CASD1: variants seen among roughly 807,000 people sequenced by gnomAD.
The protein encoded by CASD1 is CAS1 domain sialic acid O acetyltransferase 1.
CASD1 carries 41 observed loss-of-function variants against 100.0 expected under a neutral mutation model. The observed-to-expected ratio is 0.41, with a 90% confidence interval of 0.32 to 0.53. The LOEUF (loss-of-function observed/expected upper bound fraction) is 0.53, where lower values mean the gene tolerates loss of function less well. CASD1 is among the 20% of genes least tolerant of loss of function. The pLI is 0.25. For synonymous variants in CASD1, 321 were observed against 315.6 expected, an observed-to-expected ratio of 1.02 and a Z score of -0.18; for missense variants, 774 against 948.7, an observed-to-expected ratio of 0.82 and a Z score of 2.42.
At chr7:94,599,492 G>T in the CASD1 span, 3 of 578,294 alleles carry the variant, frequency 5.2e-6, no homozygotes, top group Non-Finnish European at 9.2e-6. Context: ...ATTTTTATCT[G>T]TGTAATCTTA....
intron 14 of CASD1, among the ~76,000 whole-genome samples, chr7:94,550,275 CTGAT>C (rs1393913721): frequency 5.3e-5 from 8 of 151,994 alleles, no homozygotes; most frequent in Admixed American, 2.0e-4. Context: ...TCCTTTTTGA[CTGAT>C]CTCTTTTTTC....
intron 5 of CASD1, among the ~76,000 whole-genome samples, chr7:94,529,144 G>C (rs1679918126): frequency 6.6e-6 from 1 of 151,904 alleles, no homozygotes; most frequent in Non-Finnish European, 1.5e-5. Context: ...AGTGTGTTTT[G>C]GTTTTGTTTA....
At chr7:94,585,320 T>C in the CASD1 span, 1 of 531,116 alleles carries the variant, frequency 1.9e-6, no homozygotes, top group Non-Finnish European at 3.4e-6. Flanking sequence ...ATGCTTTAAG[T>C]ACAAAAAAAT....
the CASD1 span, chr7:94,629,838 T>A: frequency 6.2e-7 from 1 of 1,610,538 alleles, no homozygotes. Context: ...GAAAATACTG[T>A]ACACTGAAAA....
At chr7:94,584,389 G>A in the CASD1 span, among the ~76,000 whole-genome samples, 6 of 152,300 alleles carry the variant, frequency 3.9e-5, no homozygotes, top group East Asian at 5.8e-4. Context: ...AGAACAGCAA[G>A]TGGCAATGCC....
the CASD1 span, among the ~76,000 whole-genome samples, chr7:94,564,248 T>A: frequency 0.32 from 48,118 of 152,088 alleles, 10,722 homozygotes; most frequent in African/African-American, 0.64. Context: ...GCACAACAGT[T>A]GTGGTCCAGG....
chr7:94,601,075 T>G, the CASD1 span, among the ~76,000 whole-genome samples: 37 of 152,302 alleles, frequency 2.4e-4, no homozygotes, highest in African/African-American at 8.9e-4. Context: ...TTCTATGTTC[T>G]TCCTAAAACA....
chr7:94,623,719 A>G, the CASD1 span: 3 of 404,528 alleles, frequency 7.4e-6, no homozygotes, highest in Non-Finnish European at 1.3e-5. Flanking sequence ...ATTACTTACC[A>G]GTGATGTTCT....
the CASD1 span, chr7:94,623,538 G>A: frequency 1.6e-6 from 1 of 634,938 alleles, no homozygotes; most frequent in East Asian, 2.8e-5. Flanking sequence ...TCCTTCTCTG[G>A]GCAATGAGAA....
At chr7:94,538,417 A>C (rs1465976348) in intron 9 of CASD1, among the ~76,000 whole-genome samples, 1 of 152,126 alleles carries the variant, frequency 6.6e-6, no homozygotes, top group Non-Finnish European at 1.5e-5. Flanking sequence ...ATATTTGTGT[A>C]ACTTCTTTAC....
chr7:94,563,075 A>G, the CASD1 span, among the ~76,000 whole-genome samples: 1 of 152,198 alleles, frequency 6.6e-6, no homozygotes, highest in Admixed American at 6.6e-5. Context: ...GCCTTTGTAG[A>G]AACAGCAGTA....
At position 94,539,017 on chromosome 7, in the gene CASD1, AC is replaced by A. The variant is rs1795254173; in HGVS notation, c.1318del (p.Val441Ter). The A allele has an allele frequency of 6.2e-7, 1 of 1,610,918 alleles. No individual in the cohort carries two copies. The highest frequency in any genetic ancestry group is 8.5e-7 in the Non-Finnish European group (1 of 1,177,700). On this transcript the variant is annotated frameshift_variant, in exon 10 of 18. Transcript: ENST00000297273. LOFTEE classifies it high-confidence loss of function. ...QTDEWKGWMQ[L>X]VILIYHISGA... ...CAGACGAATGGAAAGGCTGGATGCA[AC>A]TTGTGATTTTGATTTATCACATTTC... is the stretch of plus-strand genomic sequence containing the variant.
the CASD1 span, among the ~76,000 whole-genome samples, chr7:94,578,382 A>G: frequency 6.6e-6 from 1 of 152,186 alleles, no homozygotes; most frequent in Admixed American, 6.5e-5. Context: ...CTTCCGCCTC[A>G]TCAATATGTT....
At chr7:94,534,257 C>T in intron 7 of CASD1, among the ~76,000 whole-genome samples, 1 of 150,172 alleles carries the variant, frequency 6.7e-6, no homozygotes, top group Non-Finnish European at 1.5e-5. Context: ...ACCTCCGCCT[C>T]CCAGGCTCAA....
intron 8 of CASD1, among the ~76,000 whole-genome samples, chr7:94,536,521 G>A (rs1015905612): frequency 6.6e-6 from 1 of 152,114 alleles, no homozygotes; most frequent in African/African-American, 2.4e-5. Flanking sequence ...AGAATAATGT[G>A]TATGTTTGCA....
chr7:94,613,541 G>A, the CASD1 span, among the ~76,000 whole-genome samples: 3 of 152,148 alleles, frequency 2.0e-5, no homozygotes, highest in South Asian at 4.1e-4. Context: ...ACTAGATAGA[G>A]TTGTTTCTTG....
At chr7:94,585,664 G>A in the CASD1 span, 18 of 637,568 alleles carry the variant, frequency 2.8e-5, no homozygotes, top group African/African-American at 3.1e-4. Flanking sequence ...TCTGTATTTG[G>A]TTTTTTTAAA....
the CASD1 span, among the ~76,000 whole-genome samples, chr7:94,582,600 T>A: frequency 2.0e-5 from 3 of 152,210 alleles, no homozygotes; most frequent in East Asian, 1.9e-4. Flanking sequence ...ATTCTGTAGG[T>A]TGTCTGTTTA....
intron 2 of CASD1, 49 bp downstream of exon 2, chr7:94,517,705 A>G: frequency 8.8e-7 from 1 of 1,138,136 alleles, no homozygotes; most frequent in Non-Finnish European, 1.3e-6. Context: ...GGGTCTTAAT[A>G]TGTAGTGGAG....
Sources: gnomAD v4.1 joint callset for allele counts (sites outside exome capture counted in the v4.1 genomes callset) on GRCh38, gnomAD v4.1.1 for gene constraint, MANE v1.5 for transcripts, NCBI Gene and HGNC (gene_info 2026-07-23, HGNC 2026-07-21) for gene names.